Variants in CELF2 observed in about 807,000 individuals in gnomAD.
CELF2 encodes the protein CUGBP Elav-like family member 2.
CELF2 carries 8 observed loss-of-function variants against 62.6 expected under a neutral mutation model. The observed-to-expected ratio is 0.13, with a 90% CI of 0.07 to 0.23. The LOEUF (loss-of-function observed/expected upper bound fraction) is 0.23. CELF2 is among the 10% of genes least tolerant of loss of function. The pLI is 1.00. For synonymous variants in CELF2, 258 were observed against 250.0 expected (o/e 1.03, Z -0.30); for missense variants, 333 against 671.0 (o/e 0.50, Z 5.56).
At chr10:10,678,991 A>G in the CELF2 span, among the ~76,000 whole-genome samples, 1 of 152,202 alleles carries the variant, frequency 6.6e-6, no homozygotes, top group African/African-American at 2.4e-5. Flanking sequence ...CAAAACCAAT[A>G]TTCCCTCACA....
In CELF2 at chr10:11,243,600, G is replaced by A. The variant is rs2074687153; in HGVS notation, c.355-5553G>A. Among the ~76,000 whole-genome samples, 1 of 152,202 alleles carries A rather than the reference G, an allele frequency of 6.6e-6. No homozygotes were observed. On this transcript the variant is annotated intron_variant, in intron 3 of 12. Coordinates refer to ENST00000633077, the MANE Select transcript of CELF2 (RefSeq NM_001326342.2). This position sits in a 1 kb window ranked among gnomAD's most constrained non-coding sequence, Gnocchi z 4.1. Reference sequence around the variant, plus strand: ...GTCGTCTTCCAGGCTTGCTGCAAGTGCAGCTGAGATGAACATAAGTAATAG... The same window carrying A: ...GTCGTCTTCCAGGCTTGCTGCAAGTACAGCTGAGATGAACATAAGTAATAG...
chr10:10,950,368 G>A (rs1224953777), intron 2 of CELF2, among the ~76,000 whole-genome samples: 1 of 152,112 alleles, frequency 6.6e-6, no homozygotes, highest in Non-Finnish European at 1.5e-5. Context: ...GAACAAATGG[G>A]GCAAAGGGCT....
chr10:10,604,124 C>T, the CELF2 span, among the ~76,000 whole-genome samples: 10 of 152,118 alleles, frequency 6.6e-5, no homozygotes, highest in Admixed American at 4.6e-4. Context: ...GCACAAGAAT[C>T]GCTTGAACCT....
intron 1 of CELF2, among the ~76,000 whole-genome samples, chr10:10,863,158 G>T (rs1040828219): frequency 2.6e-5 from 4 of 152,164 alleles, no homozygotes; most frequent in Admixed American, 2.6e-4. Context: ...GAACAGGAAA[G>T]AACCCTACTC....
Position 11,058,592 on chromosome 10 carries a change from G to A in CELF2, c.74+40429G>A, listed in dbSNP as rs575513032. ...AGCGATTCTCCTGTCTCAGCCTCCC[G>A]AGTAGCTGGGATTACAGGCATGCAC... On this transcript the variant is annotated intron_variant, in intron 1 of 12. Transcript: ENST00000633077. Among the ~76,000 whole-genome samples, 16 of 148,620 alleles carry A rather than the reference G, an allele frequency of 1.1e-4. No homozygotes were observed. In the South Asian group the frequency reaches 2.0e-3, roughly 18 times the overall value.
At chr10:11,257,363 A>G (rs2079120339) in intron 4 of CELF2, among the ~76,000 whole-genome samples, 1 of 151,604 alleles carries the variant, frequency 6.6e-6, no homozygotes, top group Non-Finnish European at 1.5e-5. Context: ...AAAACAGAAT[A>G]AAATCTGTAT....
At chr10:10,978,687 A>G (rs748517613) in intron 2 of CELF2, among the ~76,000 whole-genome samples, 7 of 152,244 alleles carry the variant, frequency 4.6e-5, no homozygotes, top group Non-Finnish European at 8.8e-5. Flanking sequence ...AGGAATGGAT[A>G]CGGAGAAGAA....
At position 11,223,287 on chromosome 10, in the gene CELF2, G is replaced by A. The variant is rs1244811003; in HGVS notation, c.354+5780G>A. Among the ~76,000 whole-genome samples, 1 of 152,224 alleles carries A rather than the reference G, an allele frequency of 6.6e-6. No homozygotes were observed. The highest frequency in any genetic ancestry group is 1.9e-4 in the East Asian group (1 of 5,198). ...GCCATGAGGAAACATGCCTCAAAAG[G>A]CACTGTGTCTGCCTCCTCATTTGTG... On this transcript the variant is annotated intron_variant, in intron 3 of 12. Transcript: ENST00000633077. The surrounding 1 kb of genome is among the most constrained non-coding windows in gnomAD (Gnocchi z 5.1).
rs548936338 is a variant in CELF2 at position 11,213,241 on chromosome 10, A to G, written c.272-4184A>G. On this transcript the variant is annotated intron_variant, in intron 2 of 12. Transcript: ENST00000633077. ...CAAAGAGCCAGCCCCTGGGTGTTGT[A>G]GATGTGTGACTACCCCTTACACCGA... 1.4e-3 allele frequency among the ~76,000 whole-genome samples: 210 copies of G among 152,328 alleles called. 3 individuals carry two copies. The highest frequency in any genetic ancestry group is 4.8e-3 in the African/African-American group (201 of 41,576).
At chr10:10,464,708 G>A in the CELF2 span, among the ~76,000 whole-genome samples, 3 of 152,198 alleles carry the variant, frequency 2.0e-5, no homozygotes, top group African/African-American at 7.2e-5. Flanking sequence ...GTAAAATTAT[G>A]GGTTTCACTG....
At chr10:11,173,385 G>T (rs1033537733) in intron 2 of CELF2, among the ~76,000 whole-genome samples, 14 of 152,128 alleles carry the variant, frequency 9.2e-5, no homozygotes, top group Non-Finnish European at 2.1e-4. Flanking sequence ...TCAGGCATTC[G>T]GGTTGAAAGG....
At chr10:10,725,881 A>G in the CELF2 span, among the ~76,000 whole-genome samples, 5 of 151,692 alleles carry the variant, frequency 3.3e-5, no homozygotes, top group Admixed American at 3.3e-4. Flanking sequence ...TAGTTTTTTT[A>G]GAGAAAATTC....
chr10:11,155,114 C>G, intron 1 of CELF2, among the ~76,000 whole-genome samples: 1 of 152,330 alleles, frequency 6.6e-6, no homozygotes. Flanking sequence ...GAAAGCTTCT[C>G]CTTTAAGGCA....
chr10:10,944,704 C>T (rs551539236), intron 2 of CELF2, among the ~76,000 whole-genome samples: 23 of 152,082 alleles, frequency 1.5e-4, no homozygotes, highest in Non-Finnish European at 2.5e-4. Flanking sequence ...CAGGTTCAAG[C>T]GATTCTCATG....
At position 10,939,277 on chromosome 10, in the gene CELF2, G is replaced by GTGGTGT. The variant is rs138349252; in HGVS notation, c.89+19280_89+19281insGTGTTG. 2.9e-3 allele frequency among the ~76,000 whole-genome samples: 412 copies of GTGGTGT among 144,346 alleles called. 5 individuals carry two copies. The highest frequency in any genetic ancestry group is 0.011 in the African/African-American group (404 of 37,580). 94.7% of individuals were successfully genotyped at this position (144,346 alleles called of 152,430 possible). On this transcript the variant is annotated intron_variant, in intron 2 of 13. Coordinates refer to the CELF2 transcript ENST00000636488. The stretch of plus-strand genomic sequence containing the variant: ...AATTAGCAAGTTCTTTTGTTTTGTG[G>GTGGTGT]TGTTGTTGTTGTTGTTGTTGTTGTT...
the CELF2 span, among the ~76,000 whole-genome samples, chr10:10,727,115 G>T: frequency 6.6e-6 from 1 of 152,120 alleles, no homozygotes; most frequent in African/African-American, 2.4e-5. Context: ...GATCACCTCC[G>T]GCCAGGCCCC....
rs541135332 is a variant in CELF2, at chr10:11,153,595, A to G, written c.75-11891A>G. Among the ~76,000 whole-genome samples, 4 of 152,352 alleles carry G rather than the reference A, an allele frequency of 2.6e-5. No homozygotes were observed. In the South Asian group the frequency reaches 6.2e-4, roughly 24 times the overall value. On this transcript the variant is annotated intron_variant, in intron 1 of 12. Transcript: ENST00000633077. Reference sequence around the variant, plus strand: ...TCGTACCTGACTCTGCTTATGTGGCAAGTTTACCCTAACACCCTTGGTTCT... The same window carrying G: ...TCGTACCTGACTCTGCTTATGTGGCGAGTTTACCCTAACACCCTTGGTTCT...
the CELF2 span, among the ~76,000 whole-genome samples, chr10:10,619,649 T>C: frequency 1.3e-5 from 2 of 152,202 alleles, no homozygotes; most frequent in East Asian, 3.9e-4. Context: ...TTATGACCAC[T>C]GAGTTACAGG....
intron 1 of CELF2, among the ~76,000 whole-genome samples, chr10:10,857,357 T>C (rs1453740200): frequency 6.6e-6 from 1 of 151,846 alleles, no homozygotes; most frequent in Non-Finnish European, 1.5e-5. Context: ...GACCAGTCAG[T>C]AGAGACCACA....
Sources: allele counts gnomAD v4.1 joint callset (sites outside exome capture counted in the v4.1 genomes callset), GRCh38; gene constraint gnomAD v4.1.1; non-coding constraint Gnocchi (gnomAD v3.1); transcripts MANE v1.5; gene names NCBI Gene and HGNC (gene_info 2026-07-23, HGNC 2026-07-21).